The following CACNA1E variants were observed in gnomAD, a reference collection of about 807,000 sequenced individuals.
CACNA1E encodes the protein calcium voltage-gated channel subunit alpha1 E.
CACNA1E carries 40 observed loss-of-function variants against 259.2 expected under a neutral mutation model. The observed-to-expected ratio is 0.15, with a 90% CI of 0.12 to 0.20. The LOEUF (loss-of-function observed/expected upper bound fraction) is 0.20, where lower values mean the gene tolerates loss of function less well. Among genes scored for constraint, CACNA1E ranks in the 10% least tolerant of loss-of-function variants. The pLI is 1.00. For missense variants in CACNA1E, 1,874 were observed against 3,040.1 expected (o/e 0.62, Z 9.02); for synonymous variants, 1,104 against 1,138.5 (o/e 0.97, Z 0.61).
intron 1 of CACNA1E, among the ~76,000 whole-genome samples, chr1:181,322,662 T>G (rs2102564417): frequency 1.3e-5 from 2 of 152,308 alleles, no homozygotes; most frequent in Admixed American, 1.3e-4. Context: ...CTGCACTGAA[T>G]GAGGTTATAG....
rs1662549348 is a variant in CACNA1E, at chr1:181,805,196, C to G, written c.*6362C>G. Reference sequence around the variant, plus strand: ...GCTGTGCCACTTCCTCTTCACTTCACTCAGAGGATGGCCCCAAAACTGAAA... The same window carrying G: ...GCTGTGCCACTTCCTCTTCACTTCAGTCAGAGGATGGCCCCAAAACTGAAA... On this transcript the variant is annotated 3_prime_UTR_variant, in exon 48 of 48. Transcript: ENST00000367573. 6.6e-6 allele frequency: 1 copy of G among 152,178 alleles called. No homozygotes were observed. Among genetic ancestry groups the G allele is most frequent in the Non-Finnish European group, 1.5e-5 (1 of 68,034 alleles). The allele number at this position is 152,178 out of a possible 1,614,324, so 9.4% of individuals were successfully genotyped here. A position where few individuals can be genotyped will look rare whatever the true frequency, so the allele number is the denominator to read the frequency against.
chr1:181,681,675 TG>T (rs1434207304), intron 7 of CACNA1E, among the ~76,000 whole-genome samples: 1 of 152,192 alleles, frequency 6.6e-6, no homozygotes, highest in Non-Finnish European at 1.5e-5. Flanking sequence ...ATTGGGGGAA[TG>T]GGGTTGTATT....
chr1:181,682,069 A>G (rs768855907), intron 7 of CACNA1E, among the ~76,000 whole-genome samples: 1 of 152,198 alleles, frequency 6.6e-6, no homozygotes, highest in Non-Finnish European at 1.5e-5. Flanking sequence ...ATGTGGCCAC[A>G]TCCAATGTTG....
chr1:181,632,511 A>G (rs1322493220), intron 6 of CACNA1E, among the ~76,000 whole-genome samples: 1 of 152,170 alleles, frequency 6.6e-6, no homozygotes, highest in Non-Finnish European at 1.5e-5. Flanking sequence ...TAACACCTGT[A>G]TTTACAGATG....
At chr1:181,791,239 A>G (rs145944281) in intron 44 of CACNA1E, among the ~76,000 whole-genome samples, 1,820 of 152,360 alleles carry the variant, frequency 0.012, 38 homozygotes, top group African/African-American at 0.041. Context: ...TGGGAGGCCA[A>G]GGCGGGCAGA....
At chr1:181,759,866 G>A (rs995623302) in intron 32 of CACNA1E, among the ~76,000 whole-genome samples, 3 of 152,136 alleles carry the variant, frequency 2.0e-5, no homozygotes, top group Non-Finnish European at 4.4e-5. Context: ...TGATTACGGG[G>A]GCTGCTTTTG....
chr1:181,515,562 A>G (rs1188311157), intron 3 of CACNA1E, among the ~76,000 whole-genome samples: 1 of 152,216 alleles, frequency 6.6e-6, no homozygotes, highest in African/African-American at 2.4e-5. Flanking sequence ...ACACATTCTT[A>G]TCTTACAGAA....
In CACNA1E at chr1:181,483,575, G is replaced by GGGC; in HGVS notation, c.-169_-167dup. 6.8e-6 allele frequency: 3 copies of GGGC among 442,788 alleles called. No individual in the cohort carries two copies. The highest frequency in any genetic ancestry group is 1.2e-5 in the Non-Finnish European group (3 of 250,630). 27.4% of individuals were successfully genotyped at this position (442,788 alleles called of 1,614,324 possible). A position where few individuals can be genotyped will look rare whatever the true frequency, so the allele number is the denominator to read the frequency against. On this transcript the variant is annotated 5_prime_UTR_variant, in exon 1 of 48. Coordinates refer to ENST00000367573, the MANE Select transcript of CACNA1E (RefSeq NM_001205293.3). ...TTTAGATTCAACAGTTCACAGCGGC[G>GGGC]GGCTGCTGCTGCTGCCTCTCCGAAG...
chr1:181,513,381 G>A (rs2102633594), intron 3 of CACNA1E, among the ~76,000 whole-genome samples: 1 of 152,306 alleles, frequency 6.6e-6, no homozygotes, highest in Non-Finnish European at 1.5e-5. Flanking sequence ...GTAAAAATCT[G>A]TAATGACTGA....
Position 181,725,255 on chromosome 1 carries a change from CT to C in CACNA1E, c.2142+719del, listed in dbSNP as rs1332006596. On this transcript the variant is annotated intron_variant, in intron 17 of 47. Transcript: ENST00000367573. ...TCTACATCCTTGAGGGTCTTCTTAT[CT>C]GCATATATGGTAGGAAAAATATCAG... Among the ~76,000 whole-genome samples, 3 of 152,308 alleles carry C rather than the reference CT, an allele frequency of 2.0e-5. No individual in the cohort carries two copies. In the South Asian group the frequency reaches 6.2e-4, roughly 32 times the overall value.
At position 181,732,937 on chromosome 1, in the gene CACNA1E, G is replaced by A. The variant is rs2102553424; in HGVS notation, c.2851G>A (p.Ala951Thr). Residue 951 changes from alanine to threonine, a missense_variant, in exon 20 of 48, where the codon GCC (alanine) becomes ACC (threonine). By Grantham distance (58) the Ala-to-Thr change is moderately conservative. This residue lies in a region of CACNA1E where 476 missense variants were observed against 514.0 expected (regional missense o/e 0.93). Transcript: ENST00000367573. This position sits in a 1 kb window ranked among gnomAD's most constrained non-coding sequence, Gnocchi z 5.5. ...CAGCCAGGAACGCAGTCTGGATGAA[G>A]CCATGCCCACTGAAGGGGAGAAGGA... Reference protein sequence around the residue: ...SASQERSLDEAMPTEGEKDHE... With the variant: ...SASQERSLDETMPTEGEKDHE... 1.2e-6 allele frequency: 2 copies of A among 1,614,052 alleles called. No homozygotes were observed. The highest frequency in any genetic ancestry group is 1.7e-6 in the Non-Finnish European group (2 of 1,179,890).
intron 26 of CACNA1E, chr1:181,751,867 G>A: frequency 1.7e-6 from 1 of 582,726 alleles, no homozygotes. Flanking sequence ...ATGCCTCTGT[G>A]TGCCTGTATG....
intron 3 of CACNA1E, among the ~76,000 whole-genome samples, chr1:181,554,169 G>C (rs1041375801): frequency 2.6e-5 from 4 of 152,068 alleles, no homozygotes; most frequent in African/African-American, 9.7e-5. Flanking sequence ...ACTATGCCCA[G>C]CTAATTTTTT....
intron 3 of CACNA1E, among the ~76,000 whole-genome samples, chr1:181,519,711 G>A (rs1470031027): frequency 2.0e-5 from 3 of 152,144 alleles, no homozygotes; most frequent in Non-Finnish European, 2.9e-5. Flanking sequence ...CTGTTGCAGC[G>A]ATGCCTTACT....
At chr1:181,518,159 A>G (rs1666731094) in intron 3 of CACNA1E, among the ~76,000 whole-genome samples, 1 of 152,134 alleles carries the variant, frequency 6.6e-6, no homozygotes, top group Non-Finnish European at 1.5e-5. Context: ...GAGCAAGGCA[A>G]GGGACTCAGA....
chr1:181,591,147 A>T (rs949067264), intron 6 of CACNA1E, among the ~76,000 whole-genome samples: 24 of 152,374 alleles, frequency 1.6e-4, no homozygotes, highest in African/African-American at 5.5e-4. Context: ...CATGTAATCC[A>T]TGTGTTATAC....
intron 7 of CACNA1E, among the ~76,000 whole-genome samples, chr1:181,662,883 T>TC (rs1647830561): frequency 6.6e-6 from 1 of 152,186 alleles, no homozygotes; most frequent in Admixed American, 6.5e-5. Flanking sequence ...GCTTAGACAC[T>TC]CCACCATTTG....
At chr1:181,375,453 TAAGAGGAGAAACTTGAGCTG>T (rs1189732102) in intron 1 of CACNA1E, among the ~76,000 whole-genome samples, 1 of 152,218 alleles carries the variant, frequency 6.6e-6, no homozygotes, top group African/African-American at 2.4e-5. Context: ...TAGAGTCTGC[TAAGAGGAGAAACTTGAGCTG>T]GTTCCTGGAG....
chr1:181,345,876 G>T (rs956207254), intron 1 of CACNA1E, among the ~76,000 whole-genome samples: 5 of 152,188 alleles, frequency 3.3e-5, no homozygotes, highest in Non-Finnish European at 7.3e-5. Context: ...GAGGAGGGGA[G>T]AGAGTGGCCA....
Sources: allele counts gnomAD v4.1 joint callset (sites outside exome capture counted in the v4.1 genomes callset), GRCh38; gene constraint gnomAD v4.1.1; regional missense constraint gnomAD v4.1.1; non-coding constraint Gnocchi (gnomAD v3.1); transcripts MANE v1.5; gene names NCBI Gene and HGNC (gene_info 2026-07-23, HGNC 2026-07-21).